Variants in CSMD3 observed in about 807,000 individuals in gnomAD.
CSMD3 encodes CUB and Sushi multiple domains 3.
CSMD3 carries 177 observed loss-of-function variants against 435.2 expected under a neutral mutation model. The observed-to-expected ratio is 0.41, with a 90% CI of 0.36 to 0.46. CSMD3 has a LOEUF of 0.46. Among genes scored for constraint, CSMD3 ranks in the 20% least tolerant of loss-of-function variants. The pLI, the probability that CSMD3 is intolerant of heterozygous loss-of-function variation, is 0.34. For synonymous variants in CSMD3, 1,656 were observed against 1,520.5 expected, an observed-to-expected ratio of 1.09 and a Z score of -2.07; for missense variants, 4,265 against 4,504.6, an observed-to-expected ratio of 0.95 and a Z score of 1.52.
chr8:112,864,259 TG>T (rs2080912088), intron 10 of CSMD3, among the ~76,000 whole-genome samples: 1 of 152,222 alleles, frequency 6.6e-6, no homozygotes, highest in East Asian at 1.9e-4. Flanking sequence ...TTGTTGTTGT[TG>T]TTGTTTTAGA....
intron 1 of CSMD3, among the ~76,000 whole-genome samples, chr8:113,334,817 A>G (rs1373406909): frequency 2.0e-5 from 3 of 151,958 alleles, no homozygotes; most frequent in Admixed American, 6.6e-5. Context: ...GAATCGGTGC[A>G]TTTTGTCTTA....
intron 38 of CSMD3, among the ~76,000 whole-genome samples, chr8:112,377,658 G>A (rs1193414553): frequency 6.6e-6 from 1 of 151,872 alleles, no homozygotes; most frequent in Non-Finnish European, 1.5e-5. Flanking sequence ...ACAACTAAGA[G>A]GAATTTATTC....
intron 26 of CSMD3, among the ~76,000 whole-genome samples, chr8:112,551,315 T>G (rs2853239): frequency 0.85 from 129,454 of 151,994 alleles, 55,536 homozygotes; most frequent in African/African-American, 0.95. Flanking sequence ...TGAAATAATT[T>G]CCCAAAGAGT....
chr8:113,147,431 A>G (rs1422068491), intron 4 of CSMD3, among the ~76,000 whole-genome samples: 1 of 151,584 alleles, frequency 6.6e-6, no homozygotes, highest in Non-Finnish European at 1.5e-5. Flanking sequence ...CTTTCAGGAT[A>G]TTATATTCTG....
At chr8:112,254,205 G>A (rs754808277) in intron 63 of CSMD3, 48 bp downstream of exon 63, 9 of 1,264,936 alleles carry the variant, frequency 7.1e-6, no homozygotes, top group East Asian at 2.3e-5. Flanking sequence ...AACCAAAGAC[G>A]CATTCTGACC....
intron 4 of CSMD3, among the ~76,000 whole-genome samples, chr8:113,133,278 T>G (rs1466180752): frequency 6.6e-6 from 1 of 152,058 alleles, no homozygotes; most frequent in East Asian, 1.9e-4. Flanking sequence ...TCTCCAAAGG[T>G]TATATACAAA....
At chr8:113,416,656 T>C (rs1200504294) in intron 1 of CSMD3, among the ~76,000 whole-genome samples, 1 of 152,092 alleles carries the variant, frequency 6.6e-6, no homozygotes, top group Non-Finnish European at 1.5e-5. Context: ...TCTATCACCT[T>C]CTGCGTCCTT....
chr8:112,331,376 T>C lies in CSMD3; in HGVS notation c.7165+3953A>G, dbSNP rs1352656128. On this transcript the variant is annotated intron_variant, in intron 45 of 70. Coordinates refer to ENST00000297405, the MANE Select transcript of CSMD3 (RefSeq NM_198123.2). ...TTCCTCAAATGAGAAAAAAATATGA[T>C]ATCTGAGGTAAACTGCCTCAACATT... Among the ~76,000 whole-genome samples the C allele has an allele frequency of 9.9e-5, 15 of 152,122 alleles. No individual in the cohort carries two copies. The East Asian group carries it at 2.5e-3, about 26-fold the overall frequency.
chr8:112,701,468 T>A (rs970834022), intron 13 of CSMD3, among the ~76,000 whole-genome samples: 1 of 152,126 alleles, frequency 6.6e-6, no homozygotes, highest in Admixed American at 6.5e-5. Flanking sequence ...CCCACACTCT[T>A]TTCTATTGTC....
At chr8:113,250,011 TTCAATAAATAAACAAATAAATACAAC>T (rs2093319810) in intron 3 of CSMD3, among the ~76,000 whole-genome samples, 1 of 152,102 alleles carries the variant, frequency 6.6e-6, no homozygotes, top group Non-Finnish European at 1.5e-5. Context: ...AAGTTGCTTA[TTCAATAAATAAACAAATAAATACAAC>T]AAATCACAGG....
intron 22 of CSMD3, among the ~76,000 whole-genome samples, chr8:112,609,589 A>G (rs1244126410): frequency 6.6e-6 from 1 of 152,174 alleles, no homozygotes; most frequent in African/African-American, 2.4e-5. Context: ...GCACAGCTAT[A>G]TAGAAAACAG....
intron 7 of CSMD3, among the ~76,000 whole-genome samples, chr8:112,968,667 T>C (rs1267173951): frequency 1.3e-5 from 2 of 151,960 alleles, no homozygotes; most frequent in Non-Finnish European, 2.9e-5. Flanking sequence ...TAATTCTTTC[T>C]CTTATAATTG....
chr8:112,727,279 G>T (rs1587095253), intron 13 of CSMD3, among the ~76,000 whole-genome samples: 1 of 151,900 alleles, frequency 6.6e-6, no homozygotes, highest in East Asian at 1.9e-4. Context: ...AACTGCGTCT[G>T]ATTTTCCACA....
At chr8:113,267,275 C>CA (rs2093479366) in intron 3 of CSMD3, among the ~76,000 whole-genome samples, 1 of 151,490 alleles carries the variant, frequency 6.6e-6, no homozygotes, top group East Asian at 1.9e-4. Flanking sequence ...AAAAAGAAAT[C>CA]AATATATCAA....
At chr8:113,293,225 T>TTA (rs1265182193) in intron 2 of CSMD3, among the ~76,000 whole-genome samples, 1 of 134,678 alleles carries the variant, frequency 7.4e-6, no homozygotes, top group Admixed American at 8.9e-5. Context: ...ACATATATAT[T>TTA]TATATATATA....
chr8:112,365,104 C>T (rs531746723), intron 38 of CSMD3, among the ~76,000 whole-genome samples: 4 of 144,726 alleles, frequency 2.8e-5, no homozygotes, highest in Admixed American at 2.1e-4. Flanking sequence ...GTTTAAACTT[C>T]TCTCTAATGA....
At chr8:112,899,867 T>TTA (rs943755071) in intron 10 of CSMD3, among the ~76,000 whole-genome samples, 1 of 149,264 alleles carries the variant, frequency 6.7e-6, no homozygotes, top group South Asian at 2.1e-4. Flanking sequence ...AGAGAGAGAC[T>TTA]TATATATATC....
chr8:112,586,247 G>C (rs1194595879), intron 23 of CSMD3, among the ~76,000 whole-genome samples: 3 of 151,066 alleles, frequency 2.0e-5, no homozygotes, highest in Non-Finnish European at 4.4e-5. Context: ...CAAGATTTGT[G>C]AAAACAGAAG....
intron 13 of CSMD3, among the ~76,000 whole-genome samples, chr8:112,782,630 T>A (rs2078420345): frequency 2.0e-5 from 3 of 152,000 alleles, no homozygotes. Context: ...CAATTAAGAA[T>A]ACCACAAGGC....
Sources: allele counts gnomAD v4.1 joint callset (sites outside exome capture counted in the v4.1 genomes callset), GRCh38; gene constraint gnomAD v4.1.1; transcripts MANE v1.5; gene names NCBI Gene and HGNC (gene_info 2026-07-23, HGNC 2026-07-21).